The following DISP1 variants were observed in gnomAD, a reference collection of about 807,000 sequenced individuals.
DISP1 encodes protein dispatched homolog 1.
Under a neutral mutation model 37.3 loss-of-function variants are expected in DISP1, and 30 were observed. The ratio of observed to expected loss-of-function variants is 0.80; its 90% CI spans 0.60 to 1.09. DISP1 has a LOEUF of 1.09. Among genes scored for constraint, DISP1 ranks in the 50% least tolerant of loss-of-function variants. The probability of loss-of-function intolerance (pLI) is 0.00; values close to 1 mark genes in which losing one functional copy is unlikely to be tolerated. For missense variants in DISP1, 1,598 were observed against 1,879.5 expected, an observed-to-expected ratio of 0.85 and a Z score of 2.77; for synonymous variants, 634 against 690.2, an observed-to-expected ratio of 0.92 and a Z score of 1.28.
At position 223,003,637 on chromosome 1, in the gene DISP1, T is replaced by C. The variant is rs1679652811; in HGVS notation, c.2240T>C (p.Leu747Pro). Reference sequence around the variant, plus strand: ...AATCCAAAGATGAAACTGCCCTCACTGGAGTTATCCGAGTTCCAGGTGTTC... The same window carrying C: ...AATCCAAAGATGAAACTGCCCTCACCGGAGTTATCCGAGTTCCAGGTGTTC... ...CINPKMKLPS[L>P]ELSEFQVFRS... The change falls in exon 9 of 9, where the codon CTG becomes CCG. Residue 747 changes from leucine (L) to proline (P), a missense_variant. By Grantham distance (98) the Leu-to-Pro change is moderately conservative. Coordinates refer to ENST00000675850, the MANE Select transcript of DISP1 (RefSeq NM_001377229.1). The surrounding 1 kb of genome is among the most constrained non-coding windows in gnomAD (Gnocchi z 4.3). 1 of 1,614,096 alleles carries C rather than the reference T, an allele frequency of 6.2e-7. No homozygotes were observed. Among genetic ancestry groups the C allele is most frequent in the Admixed American group, 1.7e-5 (1 of 60,002 alleles).
At chr1:222,850,209 A>AT (rs1668144484) in intron 1 of DISP1, among the ~76,000 whole-genome samples, 1 of 152,066 alleles carries the variant, frequency 6.6e-6, no homozygotes, top group Non-Finnish European at 1.5e-5. Flanking sequence ...ATAAGTAGAC[A>AT]TTTTTTCCTT....
rs1356666494 is a variant in DISP1, at chr1:222,893,643, G to A, written c.-158-34787G>A. On this transcript the variant is annotated intron_variant, in intron 1 of 8. Coordinates refer to ENST00000675850, the MANE Select transcript of DISP1 (RefSeq NM_001377229.1). This position sits in a 1 kb window ranked among gnomAD's most constrained non-coding sequence, Gnocchi z 4.3. ...ATGTACTGCATGCAGCTTCCACTGC[G>A]GGCACCCATGTCTGGATGAGGGGAA... 6.6e-6 allele frequency among the ~76,000 whole-genome samples: 1 copy of A among 152,210 alleles called. No homozygotes were observed. Among genetic ancestry groups the A allele is most frequent in the East Asian group, 1.9e-4 (1 of 5,192 alleles).
At chr1:222,832,868 C>T (rs990899657) in intron 1 of DISP1, among the ~76,000 whole-genome samples, 1 of 151,324 alleles carries the variant, frequency 6.6e-6, no homozygotes, top group African/African-American at 2.5e-5. Flanking sequence ...TGCACTCCAG[C>T]TTTTGTGACA....
intron 1 of DISP1, among the ~76,000 whole-genome samples, chr1:222,865,818 G>A (rs1669154618): frequency 1.3e-5 from 2 of 152,014 alleles, no homozygotes; most frequent in African/African-American, 4.8e-5. Context: ...CACATACACA[G>A]AATAATAACT....
chr1:222,858,696 G>A (rs968613476), intron 1 of DISP1, among the ~76,000 whole-genome samples: 13 of 142,142 alleles, frequency 9.1e-5, no homozygotes, highest in Admixed American at 5.7e-4. Flanking sequence ...TTCTCAAAAG[G>A]AGACATTCAT....
chr1:222,870,736 A>T (rs565325785), intron 1 of DISP1, among the ~76,000 whole-genome samples: 3 of 152,082 alleles, frequency 2.0e-5, no homozygotes, highest in Non-Finnish European at 4.4e-5. Flanking sequence ...CCCATTCTAT[A>T]GGTTGCCTGT....
At chr1:222,889,074 G>A (rs992513594) in intron 1 of DISP1, among the ~76,000 whole-genome samples, 55 of 152,052 alleles carry the variant, frequency 3.6e-4, no homozygotes, top group African/African-American at 1.3e-3. Context: ...TAAGATAAAT[G>A]TTTTTTTCCC....
intron 2 of DISP1, among the ~76,000 whole-genome samples, chr1:222,931,634 G>A (rs1410842971): frequency 2.0e-5 from 3 of 151,150 alleles, no homozygotes; most frequent in African/African-American, 7.3e-5. Context: ...TCTGCAGGCT[G>A]TCTAACCCTA....
intron 1 of DISP1, among the ~76,000 whole-genome samples, chr1:222,923,822 G>GA (rs1558331665): frequency 2.0e-5 from 3 of 152,018 alleles, no homozygotes; most frequent in African/African-American, 7.2e-5. Flanking sequence ...AGAGAGAAAG[G>GA]AAAAAAAGAA....
rs572803431 is a variant in DISP1, at chr1:222,974,955, A to G, written c.510-8125A>G. ...CTGAACTGAAGTTACTACTTGCAGA[A>G]TAGCCTTTCACAGAAAGACAGTATG... On this transcript the variant is annotated intron_variant, in intron 3 of 8. Transcript: ENST00000675850. Among the ~76,000 whole-genome samples, 4 of 152,350 alleles carry G rather than the reference A, an allele frequency of 2.6e-5. No individual in the cohort carries two copies. The East Asian group carries it at 7.7e-4, about 29-fold the overall frequency.
At chr1:222,823,579 T>C (rs1447259999) in intron 1 of DISP1, among the ~76,000 whole-genome samples, 1 of 152,150 alleles carries the variant, frequency 6.6e-6, no homozygotes, top group African/African-American at 2.4e-5. Flanking sequence ...ATACATTCTT[T>C]GGGTGATGGT....
intron 3 of DISP1, among the ~76,000 whole-genome samples, chr1:222,964,410 C>CGA (rs1676312512): frequency 6.6e-6 from 1 of 152,202 alleles, no homozygotes; most frequent in African/African-American, 2.4e-5. Flanking sequence ...AATCACCACT[C>CGA]TATGCTGTGC....
At chr1:222,819,370 C>G (rs1322109646) in intron 1 of DISP1, among the ~76,000 whole-genome samples, 1 of 151,850 alleles carries the variant, frequency 6.6e-6, no homozygotes, top group Non-Finnish European at 1.5e-5. Context: ...AATTCATAGC[C>G]CAGTTACTTT....
intron 1 of DISP1, among the ~76,000 whole-genome samples, chr1:222,880,414 G>A (rs1572411952): frequency 6.6e-6 from 1 of 152,088 alleles, no homozygotes. Flanking sequence ...CAGAAAGTAC[G>A]TGAATGTTAT....
rs1308925053 is a variant in DISP1, at chr1:222,990,768, T to C, written c.663+20T>C. On this transcript the variant is annotated intron_variant, in intron 5 of 8. Transcript: ENST00000675850. ...TTGCTGGTAACTAACTTTTATGTTT[T>C]CTTTAGCCTAAAATCATCTCCAAAT... 2 of 1,613,686 alleles carry C rather than the reference T, an allele frequency of 1.2e-6. No individual in the cohort carries two copies. The highest frequency in any genetic ancestry group is 1.7e-6 in the Non-Finnish European group (2 of 1,179,746).
At chr1:222,984,421 A>ATATATATAT (rs796974033) in intron 4 of DISP1, among the ~76,000 whole-genome samples, 11 of 105,780 alleles carry the variant, frequency 1.0e-4, no homozygotes, top group East Asian at 5.2e-4. Context: ...AAAAAAAAAA[A>ATATATATAT]ATATATATAT....
At chr1:222,969,370 C>CAAAAAAAAAAAA (rs71178518) in intron 3 of DISP1, among the ~76,000 whole-genome samples, 1,496 of 29,690 alleles carry the variant, frequency 0.05, 88 homozygotes, top group East Asian at 0.15. Context: ...AACTTGGTCT[C>CAAAAAAAAAAAA]AAAAAAAAAA....
At chr1:222,936,811 A>AT (rs1450155734) in intron 2 of DISP1, among the ~76,000 whole-genome samples, 615 of 34,820 alleles carry the variant, frequency 0.018, 19 homozygotes, top group Middle Eastern at 0.048. Flanking sequence ...TATATATATA[A>AT]ATTATATATA....
intron 1 of DISP1, among the ~76,000 whole-genome samples, chr1:222,855,212 G>A (rs1447142549): frequency 1.3e-5 from 2 of 152,154 alleles, no homozygotes; most frequent in African/African-American, 4.8e-5. Flanking sequence ...CCTTTCACCT[G>A]TGCTCTCTTA....
Sources: allele counts gnomAD v4.1 joint callset (sites outside exome capture counted in the v4.1 genomes callset), GRCh38; gene constraint gnomAD v4.1.1; non-coding constraint Gnocchi (gnomAD v3.1); transcripts MANE v1.5; gene names NCBI Gene and HGNC (gene_info 2026-07-23, HGNC 2026-07-21).